The following FGF12 variants were observed in gnomAD, a reference collection of about 807,000 sequenced individuals.
FGF12 encodes fibroblast growth factor 12B.
In FGF12, 14 loss-of-function variants were observed where a neutral mutation model predicts 23.6. The ratio of observed to expected loss-of-function variants is 0.59; its 90% CI spans 0.39 to 0.93. The LOEUF (loss-of-function observed/expected upper bound fraction) is 0.93. Ranked by LOEUF, FGF12 falls within the 40% of genes least tolerant of loss-of-function variation. FGF12 has a pLI of 0.00. For missense variants in FGF12, 175 were observed against 217.8 expected (o/e 0.80, Z 1.24); for synonymous variants, 62 against 77.3 (o/e 0.80, Z 1.04).
At chr3:192,333,835 A>G (rs989099416) in intron 4 of FGF12, among the ~76,000 whole-genome samples, 2 of 152,048 alleles carry the variant, frequency 1.3e-5, no homozygotes, top group Non-Finnish European at 2.9e-5. Context: ...CAGGGTGATT[A>G]CCCCACCATG....
At chr3:192,243,647 T>C (rs983363670) in intron 4 of FGF12, among the ~76,000 whole-genome samples, 1 of 151,760 alleles carries the variant, frequency 6.6e-6, no homozygotes, top group Non-Finnish European at 1.5e-5. Context: ...GACAACGGAA[T>C]AGGAAGGTAT....
At chr3:192,712,865 C>T (rs1323500047) in intron 2 of FGF12, among the ~76,000 whole-genome samples, 1 of 151,780 alleles carries the variant, frequency 6.6e-6, no homozygotes, top group African/African-American at 2.4e-5. Context: ...AAAAAGAGAC[C>T]CTGGGACCAA....
At chr3:192,378,681 T>A in intron 2 of FGF12, among the ~76,000 whole-genome samples, 1 of 152,144 alleles carries the variant, frequency 6.6e-6, no homozygotes, top group East Asian at 1.9e-4. Flanking sequence ...TAATCCTTTT[T>A]CTCCAAACTC....
chr3:192,612,574 T>A (rs1240415670), intron 2 of FGF12, among the ~76,000 whole-genome samples: 3 of 151,832 alleles, frequency 2.0e-5, no homozygotes, highest in Non-Finnish European at 4.4e-5. Flanking sequence ...GAATGGGAAA[T>A]GTCACGGGAA....
chr3:192,666,090 C>G (rs1183404683), intron 2 of FGF12, among the ~76,000 whole-genome samples: 1 of 152,182 alleles, frequency 6.6e-6, no homozygotes, highest in East Asian at 1.9e-4. Context: ...AATGAACATA[C>G]CCCAAAACAA....
rs530562280 is a variant in FGF12 at position 192,230,048 on chromosome 3, G to A, written c.229-59392C>T. On this transcript the variant is annotated intron_variant, in intron 4 of 5. Coordinates refer to ENST00000445105, the MANE Select transcript of FGF12 (RefSeq NM_004113.6). ...TTTCTACTTAAGCTGTGGTCACAGC[G>A]CAATGGCATCAACATTCCTAGGAAG... Among the ~76,000 whole-genome samples, 18 of 152,166 alleles carry A rather than the reference G, an allele frequency of 1.2e-4. 1 individual carries two copies. In the South Asian group the frequency reaches 2.5e-3, roughly 21 times the overall value.
At chr3:192,341,686 C>A (rs1408578033) in intron 3 of FGF12, among the ~76,000 whole-genome samples, 1 of 152,052 alleles carries the variant, frequency 6.6e-6, no homozygotes, top group Non-Finnish European at 1.5e-5. Context: ...GAGAAAGTAA[C>A]AAATGAGAAA....
rs535857233 is a variant in FGF12, at chr3:192,561,915, AAAAG to A, written c.13+165262_13+165265del. On this transcript the variant is annotated intron_variant, in intron 2 of 5. Transcript: ENST00000445105. ...AATAATAATAATAATAATAAAGAAA[AAAAG>A]AAAGAAAAAAAAAAGAAAATGACTT... Among the ~76,000 whole-genome samples, 760 of 100,946 alleles carry A rather than the reference AAAAG, an allele frequency of 7.5e-3. 7 individuals carry two copies. Among genetic ancestry groups the A allele is most frequent in the African/African-American group, 0.02 (725 of 35,540 alleles). The allele number at this position is 100,946 out of a possible 152,430, so 66.2% of individuals were successfully genotyped here.
At chr3:192,290,860 G>A (rs1047566693) in intron 4 of FGF12, among the ~76,000 whole-genome samples, 3 of 151,998 alleles carry the variant, frequency 2.0e-5, no homozygotes, top group African/African-American at 4.8e-5. Flanking sequence ...ATCAATTCTG[G>A]TCTGGTAAGC....
At chr3:192,281,628 C>T (rs138438441) in intron 4 of FGF12, among the ~76,000 whole-genome samples, 53 of 152,112 alleles carry the variant, frequency 3.5e-4, no homozygotes, top group African/African-American at 1.0e-3. Context: ...TCCATGCTGC[C>T]GAAGGTCGCA....
rs189558634 is a variant in FGF12 at position 192,562,946 on chromosome 3, G to A, written c.13+164235C>T. 2.0e-5 allele frequency among the ~76,000 whole-genome samples: 3 copies of A among 152,212 alleles called. No homozygotes were observed. The East Asian group carries it at 5.8e-4, about 29-fold the overall frequency. Reference sequence around the variant, plus strand: ...GATTTCCCATACTGAAACCAACACTGTTTGGCTTACATACTCTTAGACACA... The same window carrying A: ...GATTTCCCATACTGAAACCAACACTATTTGGCTTACATACTCTTAGACACA... On this transcript the variant is annotated intron_variant, in intron 2 of 5. Transcript: ENST00000445105.
chr3:192,562,717 T>TACTA (rs968573929), intron 2 of FGF12, among the ~76,000 whole-genome samples: 2 of 151,310 alleles, frequency 1.3e-5, no homozygotes, highest in African/African-American at 4.9e-5. Flanking sequence ...TTCTGGGTGA[T>TACTA]ACTAACCCTA....
intron 4 of FGF12, among the ~76,000 whole-genome samples, chr3:192,171,327 T>C (rs933082749): frequency 6.6e-6 from 1 of 152,184 alleles, no homozygotes; most frequent in African/African-American, 2.4e-5. Flanking sequence ...AGTTCTAGTC[T>C]CAGAAGAAAC....
chr3:192,217,640 T>C (rs1718259322), intron 4 of FGF12, among the ~76,000 whole-genome samples: 1 of 152,180 alleles, frequency 6.6e-6, no homozygotes, highest in African/African-American at 2.4e-5. Context: ...AGTATTTTAT[T>C]AGGAAAAATA....
intron 2 of FGF12, among the ~76,000 whole-genome samples, chr3:192,478,177 C>T (rs979672229): frequency 7.2e-5 from 11 of 152,140 alleles, no homozygotes; most frequent in African/African-American, 2.7e-4. Flanking sequence ...TCTCATAGAA[C>T]ATATATACTG....
At chr3:192,158,616 TTC>T (rs1714661580) in intron 5 of FGF12, among the ~76,000 whole-genome samples, 1 of 50,522 alleles carries the variant, frequency 2.0e-5, no homozygotes, top group Admixed American at 2.1e-4. Context: ...TTCTTCTTCC[TTC>T]TTTCTTTCTC....
At chr3:192,158,326 T>TTC (rs576929225) in intron 5 of FGF12, among the ~76,000 whole-genome samples, 16,249 of 117,748 alleles carry the variant, frequency 0.14, 1,190 homozygotes, top group East Asian at 0.3. Flanking sequence ...CTTTCTTTCT[T>TTC]TCTTTCTCTT....
rs187312891 is a variant in FGF12, at chr3:192,665,743, C to G, written c.13+61438G>C. 9.5e-4 allele frequency among the ~76,000 whole-genome samples: 145 copies of G among 151,974 alleles called. 1 individual carries two copies. Among genetic ancestry groups the G allele is most frequent in the Admixed American group, 3.9e-3 (60 of 15,266 alleles). On this transcript the variant is annotated intron_variant, in intron 2 of 5. Transcript: ENST00000445105. ...CAAACCACATGGCACATATAACAAA[C>G]CTGCATGTTCTGCACATGTATCCCA... is the stretch of plus-strand genomic sequence containing the variant.
intron 5 of FGF12, among the ~76,000 whole-genome samples, 187 bp from the exon 6 acceptor site, chr3:192,144,314 C>A (rs1026279097): frequency 2.0e-5 from 3 of 152,074 alleles, no homozygotes; most frequent in African/African-American, 7.2e-5. Context: ...TCAGTCACAA[C>A]CTTTTAAACT....
Sources: allele counts gnomAD v4.1 joint callset (sites outside exome capture counted in the v4.1 genomes callset), GRCh38; gene constraint gnomAD v4.1.1; transcripts MANE v1.5; gene names NCBI Gene and HGNC (gene_info 2026-07-23, HGNC 2026-07-21).